IL21R: variants seen among roughly 807,000 people sequenced by gnomAD.
IL21R encodes the protein interleukin-21 receptor.
A neutral mutation model predicts 41.3 loss-of-function variants in IL21R; 14 were observed. The ratio of observed to expected loss-of-function variants is 0.34; its 90% CI spans 0.22 to 0.53. The LOEUF is 0.53. IL21R is among the 20% of genes least tolerant of loss of function. IL21R has a pLI of 0.94. For missense variants in IL21R, 588 were observed against 681.6 expected, an observed-to-expected ratio of 0.86 and a Z score of 1.53; for synonymous variants, 286 against 287.6, an observed-to-expected ratio of 0.99 and a Z score of 0.05.
rs561303011 is a variant in IL21R, at chr16:27,451,507, G to A, written c.*2224G>A. ...GTGGATCACTTGAGGCCAGGAGTTCGAGACCAGCCTGGGCAACATAGCAAG... is the reference window on the plus strand; with the variant it reads ...GTGGATCACTTGAGGCCAGGAGTTCAAGACCAGCCTGGGCAACATAGCAAG... On this transcript the variant is annotated 3_prime_UTR_variant, in exon 9 of 9. Coordinates refer to ENST00000337929, the MANE Select transcript of IL21R (RefSeq NM_181078.3). 2.4e-5 allele frequency: 5 copies of A among 210,476 alleles called. No individual in the cohort carries two copies. Among genetic ancestry groups the A allele is most frequent in the South Asian group, 1.9e-4 (1 of 5,334 alleles). The allele number at this position is 210,476 out of a possible 1,614,324, so 13.0% of individuals were successfully genotyped here. A position where few individuals can be genotyped will look rare whatever the true frequency, so the allele number is the denominator to read the frequency against.
chr16:27,409,944 G>A (rs2382583), intron 1 of IL21R, among the ~76,000 whole-genome samples: 44,505 of 151,944 alleles, frequency 0.29, 7,030 homozygotes, highest in East Asian at 0.62. Context: ...CATCCTTAAA[G>A]TATTAAATTT....
At chr16:27,425,781 C>A (rs62032073) in intron 1 of IL21R, among the ~76,000 whole-genome samples, 12,592 of 152,102 alleles carry the variant, frequency 0.083, 671 homozygotes, top group African/African-American at 0.16. Flanking sequence ...GTCTCGAACT[C>A]CTGACCTCAA....
intron 1 of IL21R, among the ~76,000 whole-genome samples, chr16:27,412,842 T>C (rs1184898234): frequency 6.6e-6 from 1 of 152,212 alleles, no homozygotes; most frequent in African/African-American, 2.4e-5. Flanking sequence ...GCAACTTTGC[T>C]TAATTCATGT....
At position 27,417,163 on chromosome 16, in the gene IL21R, C is replaced by CTTTTTTTTTTTTTTTTTTTTTTTTTTT. The variant is rs577149386; in HGVS notation, c.-16-12877_-16-12876insTTTTTTTTTTTTTTTTTTTTTTTTTTT. On this transcript the variant is annotated intron_variant, in intron 1 of 8. Coordinates refer to ENST00000337929, the MANE Select transcript of IL21R (RefSeq NM_181078.3). ...TTCCTTTTTCTTTCTTTTTTCTTTTCTTTTTTTTTTTTTTTTGAGACAGGG... is the reference window on the plus strand; with the variant it reads ...TTCCTTTTTCTTTCTTTTTTCTTTTCTTTTTTTTTTTTTTTTTTTTTTTTTTTTTTTTTTTTTTTTTTTGAGACAGGG... Among the ~76,000 whole-genome samples the CTTTTTTTTTTTTTTTTTTTTTTTTTTT allele has an allele frequency of 1.6e-5, 2 of 126,624 alleles. 1 individual carries two copies. 83.1% of individuals were successfully genotyped at this position (126,624 alleles called of 152,430 possible).
intron 1 of IL21R, among the ~76,000 whole-genome samples, chr16:27,421,864 A>G (rs1159467613): frequency 6.6e-6 from 1 of 152,014 alleles, no homozygotes; most frequent in Non-Finnish European, 1.5e-5. Flanking sequence ...TCTTTTCCTT[A>G]CCTAATTGCC....
At chr16:27,410,711 A>T (rs1467416318) in intron 1 of IL21R, among the ~76,000 whole-genome samples, 1 of 152,198 alleles carries the variant, frequency 6.6e-6, no homozygotes, top group Admixed American at 6.5e-5. Context: ...AACAATTTTT[A>T]GATGTGCAGT....
chr16:27,404,860 T>C (rs1399225133), intron 1 of IL21R, among the ~76,000 whole-genome samples: 1 of 152,132 alleles, frequency 6.6e-6, no homozygotes, highest in Non-Finnish European at 1.5e-5. Flanking sequence ...GTCTTAGGTC[T>C]GTGGTGAGGA....
chr16:27,405,910 G>A (rs2086736821), intron 1 of IL21R, among the ~76,000 whole-genome samples: 1 of 152,254 alleles, frequency 6.6e-6, no homozygotes, highest in Non-Finnish European at 1.5e-5. Flanking sequence ...GCTGATCTCT[G>A]CAGCCCACAG....
intron 1 of IL21R, among the ~76,000 whole-genome samples, chr16:27,419,834 A>G (rs1468855476): frequency 1.3e-5 from 2 of 149,682 alleles, no homozygotes; most frequent in African/African-American, 4.9e-5. Flanking sequence ...TATTATTATT[A>G]TTATTATTAT....
At chr16:27,402,962 G>A (rs1452858884) in intron 1 of IL21R, 7 of 359,220 alleles carry the variant, frequency 1.9e-5, no homozygotes, top group Non-Finnish European at 3.9e-5. Context: ...GGCTGAGTCG[G>A]GAGGTGACGG....
At chr16:27,412,425 T>G (rs2086836480) in intron 1 of IL21R, among the ~76,000 whole-genome samples, 3 of 152,004 alleles carry the variant, frequency 2.0e-5, no homozygotes, top group Non-Finnish European at 4.4e-5. Flanking sequence ...TTCTTCTTTT[T>G]TTTTTTAGAG....
intron 1 of IL21R, among the ~76,000 whole-genome samples, chr16:27,416,172 T>TGGA (rs2086891938): frequency 6.6e-6 from 1 of 152,184 alleles, no homozygotes; most frequent in Non-Finnish European, 1.5e-5. Context: ...TCACCCAGGC[T>TGGA]GGAGTCTCAC....
At chr16:27,431,970 C>A (rs933022884) in intron 2 of IL21R, among the ~76,000 whole-genome samples, 82 of 147,756 alleles carry the variant, frequency 5.5e-4, no homozygotes, top group Non-Finnish European at 1.0e-3. Flanking sequence ...GAACGCTGCA[C>A]CACCCCCAGA....
chr16:27,427,173 G>C (rs1596579285), intron 1 of IL21R: 1 of 335,702 alleles, frequency 3.0e-6, no homozygotes, highest in East Asian at 1.7e-4. Flanking sequence ...ACTGTGGTCA[G>C]ACAGATGGGG....
At chr16:27,445,371 T>C in intron 7 of IL21R, 95 bp downstream of exon 7, 1 of 784,754 alleles carries the variant, frequency 1.3e-6, no homozygotes, top group South Asian at 1.5e-5. Flanking sequence ...ACTGTCATCA[T>C]GGTAACAATG....
intron 2 of IL21R, 90 bp downstream of exon 2, chr16:27,430,210 C>G: frequency 1.9e-6 from 2 of 1,070,946 alleles, no homozygotes; most frequent in Non-Finnish European, 2.8e-6. Flanking sequence ...CTCAAAAACA[C>G]GGCTAGAGTC....
chr16:27,430,265 G>C (rs1285187170), intron 2 of IL21R, 145 bp downstream of exon 2: 2 of 653,048 alleles, frequency 3.1e-6, no homozygotes, highest in Admixed American at 2.7e-5. Flanking sequence ...AGGCTGACAC[G>C]AGTCCAGTAG....
At chr16:27,446,969 T>C (rs548352383) in intron 8 of IL21R, among the ~76,000 whole-genome samples, 2 of 152,268 alleles carry the variant, frequency 1.3e-5, no homozygotes, top group East Asian at 1.9e-4. Context: ...AGTCAGACAG[T>C]GTAGACCTAG....
chr16:27,437,575 C>A lies in IL21R; in HGVS notation c.240C>A (p.Thr80=), dbSNP rs1335360995. 1 of 1,614,216 alleles carries A rather than the reference C, an allele frequency of 6.2e-7. No individual in the cohort carries two copies. The highest frequency in any genetic ancestry group is 1.7e-4 in the Middle Eastern group (1 of 6,060). Residue 80 remains threonine, a synonymous_variant, in exon 4 of 9, where the codon ACC becomes ACA. Transcript: ENST00000337929. ...ACAATGCCACGCATGCCACCTACAC[C>A]TGCCACATGGATGTATTCCACTTCA... ...SAHNATHATY[T]CHMDVFHFMA...
Sources: gnomAD v4.1 joint callset for allele counts (sites outside exome capture counted in the v4.1 genomes callset) on GRCh38, gnomAD v4.1.1 for gene constraint, MANE v1.5 for transcripts, NCBI Gene and HGNC (gene_info 2026-07-23, HGNC 2026-07-21) for gene names.